Variants in SPRED1 observed in about 807,000 individuals in gnomAD.
SPRED1 encodes the protein sprouty related EVH1 domain containing 1, also known as sprouty-related, EVH1 domain-containing protein 1.
SPRED1 carries 18 observed loss-of-function variants against 52.3 expected under a neutral mutation model. That is an observed-to-expected ratio of 0.34 (90% CI 0.24 to 0.51). The LOEUF (loss-of-function observed/expected upper bound fraction) is 0.51. Among genes scored for constraint, SPRED1 ranks in the 20% least tolerant of loss-of-function variants. SPRED1 has a pLI of 0.97. For missense variants in SPRED1, 485 were observed against 551.0 expected (o/e 0.88, Z 1.20); for synonymous variants, 155 against 179.7 (o/e 0.86, Z 1.10).
At chr15:38,305,098 G>A (rs1895225656) in intron 2 of SPRED1, among the ~76,000 whole-genome samples, 1 of 152,086 alleles carries the variant, frequency 6.6e-6, no homozygotes, top group African/African-American at 2.4e-5. Flanking sequence ...GGAGGCCAAG[G>A]CGGGTGGATT....
chr15:38,272,341 T>G lies in SPRED1; in HGVS notation c.32+19124T>G, dbSNP rs1331565279. Among the ~76,000 whole-genome samples the G allele has an allele frequency of 3.5e-5, 5 of 144,024 alleles. No homozygotes were observed. The East Asian group carries it at 1.0e-3, about 30-fold the overall frequency. 94.5% of individuals were successfully genotyped at this position (144,024 alleles called of 152,430 possible). The stretch of plus-strand genomic sequence containing the variant: ...TGGAGTGCAGTGGTGCAATCTTGGC[T>G]CACTGCAACTTCTGCCTCCCAGGTT... On this transcript the variant is annotated intron_variant, in intron 1 of 6. Transcript: ENST00000299084.
At chr15:38,311,100 T>A (rs1895358147) in intron 2 of SPRED1, among the ~76,000 whole-genome samples, 1 of 152,198 alleles carries the variant, frequency 6.6e-6, no homozygotes, top group African/African-American at 2.4e-5. Flanking sequence ...GCATTTTTTA[T>A]CAAATTGAGA....
intron 2 of SPRED1, among the ~76,000 whole-genome samples, chr15:38,316,167 C>T (rs375810568): frequency 1.8e-4 from 28 of 151,976 alleles, no homozygotes; most frequent in East Asian, 1.2e-3. Flanking sequence ...CACCTTCTTC[C>T]GCTGTCTCTT....
intron 4 of SPRED1, 83 bp from the exon 5 acceptor site, chr15:38,339,654 C>A: frequency 5.5e-6 from 8 of 1,446,872 alleles, no homozygotes; most frequent in Non-Finnish European, 7.8e-6. Flanking sequence ...TTGCTAAATA[C>A]TTTTTAGAGT....
rs754866278 is a variant in SPRED1 at position 38,324,749 on chromosome 15, A to G, written c.377-14A>G. On this transcript the variant is annotated splice_polypyrimidine_tract_variant and intron_variant, in intron 3 of 6. Transcript: ENST00000299084. Reference sequence around the variant, plus strand: ...AAAATTCTATACTTAATTAACTTTTATCTATTTTCTTAGGATGCCCCGAAT... The same window carrying G: ...AAAATTCTATACTTAATTAACTTTTGTCTATTTTCTTAGGATGCCCCGAAT... 1 of 1,593,172 alleles carries G rather than the reference A, an allele frequency of 6.3e-7. No individual in the cohort carries two copies. The highest frequency in any genetic ancestry group is 1.7e-5 in the Admixed American group (1 of 58,192).
At chr15:38,305,419 A>G (rs929333633) in intron 2 of SPRED1, among the ~76,000 whole-genome samples, 2 of 149,738 alleles carry the variant, frequency 1.3e-5, no homozygotes, top group Non-Finnish European at 1.5e-5. Context: ...TTGAGTGGCT[A>G]CTGTGTGCTA....
intron 1 of SPRED1, among the ~76,000 whole-genome samples, chr15:38,281,645 C>T (rs1894691892): frequency 1.4e-5 from 2 of 147,500 alleles, no homozygotes; most frequent in African/African-American, 5.0e-5. Context: ...GCAAGTGATC[C>T]TCCTCAGCCT....
intron 4 of SPRED1, among the ~76,000 whole-genome samples, chr15:38,339,534 A>G (rs1895988295): frequency 6.6e-6 from 1 of 152,016 alleles, no homozygotes; most frequent in South Asian, 2.1e-4. Context: ...GTGAAGTTGA[A>G]TTTTTCTAAA....
At chr15:38,334,729 T>C (rs1305556809) in intron 4 of SPRED1, among the ~76,000 whole-genome samples, 1 of 152,024 alleles carries the variant, frequency 6.6e-6, no homozygotes, top group South Asian at 2.1e-4. Flanking sequence ...TCCCTGCTGG[T>C]AGAGCCATAA....
intron 2 of SPRED1, among the ~76,000 whole-genome samples, chr15:38,313,053 T>C (rs1392364228): frequency 6.6e-6 from 1 of 151,962 alleles, no homozygotes; most frequent in Non-Finnish European, 1.5e-5. Context: ...ACACTTTTTT[T>C]CTGAACTATG....
chr15:38,345,676 C>T (rs1044289247), intron 5 of SPRED1, among the ~76,000 whole-genome samples: 1 of 152,160 alleles, frequency 6.6e-6, no homozygotes, highest in East Asian at 1.9e-4. Flanking sequence ...GTTGTCCACT[C>T]GGTGGGTTTG....
intron 5 of SPRED1, among the ~76,000 whole-genome samples, chr15:38,348,639 G>A (rs368872458): frequency 2.6e-5 from 4 of 152,172 alleles, no homozygotes; most frequent in East Asian, 1.9e-4. Flanking sequence ...TGTAACAGTA[G>A]GAGTTGGCTC....
chr15:38,262,491 C>T (rs763148941), intron 1 of SPRED1, among the ~76,000 whole-genome samples: 1 of 151,860 alleles, frequency 6.6e-6, no homozygotes, highest in Non-Finnish European at 1.5e-5. Context: ...GGTATTCCAA[C>T]CAGGAAGAGA....
At chr15:38,301,874 ATT>A (rs67902425) in intron 2 of SPRED1, among the ~76,000 whole-genome samples, 124,492 of 150,960 alleles carry the variant, frequency 0.82, 52,022 homozygotes, top group Non-Finnish European at 0.9. Flanking sequence ...TAGTTTCTTG[ATT>A]TTTTTTTTTA....
chr15:38,347,750 A>G (rs1264940999), intron 5 of SPRED1, among the ~76,000 whole-genome samples: 1 of 152,010 alleles, frequency 6.6e-6, no homozygotes. Flanking sequence ...TCTATTATAA[A>G]TGGAATCCTT....
chr15:38,322,132 A>G (rs898633486), intron 2 of SPRED1, 109 bp from the exon 3 acceptor site: 22 of 1,077,708 alleles, frequency 2.0e-5, no homozygotes, highest in Non-Finnish European at 2.9e-5. Context: ...AATACTAAAA[A>G]TTATTCATTA....
At chr15:38,309,358 C>T (rs1895316107) in intron 2 of SPRED1, among the ~76,000 whole-genome samples, 1 of 152,196 alleles carries the variant, frequency 6.6e-6, no homozygotes, top group Non-Finnish European at 1.5e-5. Flanking sequence ...CCAGGCTGGT[C>T]TTGAACTCCT....
chr15:38,300,802 T>G (rs1047320247), intron 2 of SPRED1, among the ~76,000 whole-genome samples: 1 of 152,144 alleles, frequency 6.6e-6, no homozygotes, highest in East Asian at 1.9e-4. Context: ...GGTCTGGCCT[T>G]GGATAAAATG....
At chr15:38,342,111 T>A (rs1219403778) in intron 5 of SPRED1, among the ~76,000 whole-genome samples, 11 of 151,492 alleles carry the variant, frequency 7.3e-5, no homozygotes, top group Non-Finnish European at 1.3e-4. Flanking sequence ...ATTATTGATA[T>A]AAATCTACCA....
Sources: gnomAD v4.1 joint callset for allele counts (sites outside exome capture counted in the v4.1 genomes callset) on GRCh38, gnomAD v4.1.1 for gene constraint, MANE v1.5 for transcripts, NCBI Gene and HGNC (gene_info 2026-07-23, HGNC 2026-07-21) for gene names.